EIF4E: variants seen among roughly 807,000 people sequenced by gnomAD.
EIF4E encodes the protein eukaryotic translation initiation factor 4E.
For synonymous variants in EIF4E, 71 were observed against 88.5 expected (o/e 0.80, Z 1.11); for missense variants, 113 against 265.6 (o/e 0.43, Z 3.99).
chr4:98,906,036 C>T (rs1211809809), intron 1 of EIF4E, among the ~76,000 whole-genome samples: 1 of 152,174 alleles, frequency 6.6e-6, no homozygotes, highest in Non-Finnish European at 1.5e-5. Flanking sequence ...AATTCCAAAA[C>T]CATGATGTGC....
At chr4:98,928,901 G>A in intron 1 of EIF4E, 194 bp downstream of exon 1, 1 of 1,559,036 alleles carries the variant, frequency 6.4e-7, no homozygotes, top group Non-Finnish European at 8.7e-7. Flanking sequence ...CCACCAGAAA[G>A]TGTGCGCTAC....
intron 5 of EIF4E, among the ~76,000 whole-genome samples, 158 bp from the exon 6 acceptor site, chr4:98,885,219 T>G (rs1055933078): frequency 6.6e-6 from 1 of 152,258 alleles, no homozygotes; most frequent in Non-Finnish European, 1.5e-5. Flanking sequence ...TGATCTGTCC[T>G]GACTTTTAAA....
intron 2 of EIF4E, among the ~76,000 whole-genome samples, chr4:98,898,448 A>C (rs13110878): frequency 0.19 from 28,963 of 152,008 alleles, 3,674 homozygotes; most frequent in Non-Finnish European, 0.28. Flanking sequence ...CTCTATTAGA[A>C]ACTACAAAAA....
chr4:98,924,789 C>T (rs999656601), intron 1 of EIF4E, among the ~76,000 whole-genome samples: 4 of 152,022 alleles, frequency 2.6e-5, no homozygotes, highest in Admixed American at 1.3e-4. Context: ...GACAGGGTTT[C>T]ACCATTTTGG....
intron 1 of EIF4E, among the ~76,000 whole-genome samples, chr4:98,915,650 C>T (rs567125634): frequency 6.6e-6 from 1 of 151,744 alleles, no homozygotes; most frequent in South Asian, 2.1e-4. Context: ...AAGCAATTCT[C>T]CTGCCTCAAC....
At chr4:98,911,327 T>C (rs1434741678) in intron 1 of EIF4E, among the ~76,000 whole-genome samples, 1 of 141,874 alleles carries the variant, frequency 7.0e-6, no homozygotes, top group Non-Finnish European at 1.5e-5. Context: ...GGATTACAGG[T>C]GTGAGCCACC....
At chr4:98,898,110 G>C (rs1050244019) in intron 2 of EIF4E, among the ~76,000 whole-genome samples, 1 of 151,002 alleles carries the variant, frequency 6.6e-6, no homozygotes, top group Admixed American at 6.6e-5. Flanking sequence ...TGTGTCCTAC[G>C]AAAAAGGGGG....
intron 5 of EIF4E, 124 bp downstream of exon 5, chr4:98,886,955 C>G: frequency 1.0e-6 from 1 of 965,164 alleles, no homozygotes; most frequent in Middle Eastern, 3.3e-4. Flanking sequence ...TAATTACTGA[C>G]CCTGATTTTC....
intron 2 of EIF4E, among the ~76,000 whole-genome samples, chr4:98,900,177 G>A (rs1271281132): frequency 6.6e-6 from 1 of 151,960 alleles, no homozygotes; most frequent in Non-Finnish European, 1.5e-5. Flanking sequence ...AAAAAAAAAT[G>A]TGGGTTTTGG....
At chr4:98,904,493 G>A (rs1006544082) in intron 1 of EIF4E, among the ~76,000 whole-genome samples, 9 of 152,116 alleles carry the variant, frequency 5.9e-5, no homozygotes, top group Non-Finnish European at 8.8e-5. Context: ...ATAATCGGCC[G>A]GGCATGGTGG....
chr4:98,922,836 GTTTTTTC>G (rs1315403353), intron 1 of EIF4E, among the ~76,000 whole-genome samples: 3 of 145,286 alleles, frequency 2.1e-5, no homozygotes, highest in African/African-American at 5.1e-5. Flanking sequence ...TCATTTTCCT[GTTTTTTC>G]TTTTTTCTTT....
intron 1 of EIF4E, among the ~76,000 whole-genome samples, chr4:98,923,142 C>T (rs1411858314): frequency 3.3e-5 from 5 of 151,212 alleles, no homozygotes; most frequent in African/African-American, 4.9e-5. Flanking sequence ...TGAGCCACCA[C>T]GCCCGGCCCA....
chr4:98,891,347 T>C lies in EIF4E; in HGVS notation c.126-15A>G, dbSNP rs1290987081. 12 of 1,606,904 alleles carry C rather than the reference T, an allele frequency of 7.5e-6. No homozygotes were observed. The highest frequency in any genetic ancestry group is 1.0e-5 in the Non-Finnish European group (12 of 1,176,632). ...AGAGTGCCCATCTAAAAATAAAAAATCAGTGTCAAAAAATGGTAGCTGCAT... is the reference window on the plus strand; with the variant it reads ...AGAGTGCCCATCTAAAAATAAAAAACCAGTGTCAAAAAATGGTAGCTGCAT... On this transcript the variant is annotated splice_polypyrimidine_tract_variant and intron_variant, in intron 2 of 6. Transcript: ENST00000450253.
intron 3 of EIF4E, 144 bp downstream of exon 3, chr4:98,891,093 T>C (rs946235403): frequency 2.0e-4 from 169 of 856,096 alleles, no homozygotes; most frequent in South Asian, 3.6e-4. Context: ...TAATCACCAA[T>C]TCAAACTTTT....
At chr4:98,928,921 C>A in intron 1 of EIF4E, 174 bp downstream of exon 1, 1 of 1,570,646 alleles carries the variant, frequency 6.4e-7, no homozygotes, top group Non-Finnish European at 8.6e-7. Flanking sequence ...CACGCCGCCT[C>A]GGCCATCCTC....
intron 3 of EIF4E, chr4:98,891,033 A>G (rs557886594): frequency 8.1e-6 from 5 of 620,116 alleles, no homozygotes; most frequent in Non-Finnish European, 1.1e-5. Context: ...AGAAACAATA[A>G]TTGGGGCTGG....
chr4:98,885,179 T>C (rs1723861471), intron 5 of EIF4E, 118 bp from the exon 6 acceptor site: 1 of 1,211,946 alleles, frequency 8.3e-7, no homozygotes, highest in South Asian at 1.4e-5. Context: ...GAGTTAATTT[T>C]TTAAATGTGT....
chr4:98,885,378 A>G (rs576894769), intron 5 of EIF4E, among the ~76,000 whole-genome samples: 77 of 152,286 alleles, frequency 5.1e-4, no homozygotes, highest in Admixed American at 5.9e-4. Flanking sequence ...TAGAATAATA[A>G]AAATAGCTAT....
At chr4:98,897,693 A>G (rs753331921) in intron 2 of EIF4E, among the ~76,000 whole-genome samples, 1 of 152,254 alleles carries the variant, frequency 6.6e-6, no homozygotes, top group Non-Finnish European at 1.5e-5. Context: ...AACAAAATAC[A>G]ATATTTAGGC....
Sources: allele counts gnomAD v4.1 joint callset (sites outside exome capture counted in the v4.1 genomes callset), GRCh38; gene constraint gnomAD v4.1.1; transcripts MANE v1.5; gene names NCBI Gene and HGNC (gene_info 2026-07-23, HGNC 2026-07-21).